The following DCDC1 variants were observed in gnomAD, a reference collection of about 807,000 sequenced individuals.
DCDC1 encodes doublecortin domain containing 1, also known as doublecortin domain-containing protein 1.
Under a neutral mutation model 178.3 loss-of-function variants are expected in DCDC1, and 200 were observed. The ratio of observed to expected loss-of-function variants is 1.12; its 90% CI spans 1.00 to 1.26. The LOEUF (loss-of-function observed/expected upper bound fraction) is 1.26. Among genes scored for constraint, DCDC1 ranks in the 50% most tolerant of loss-of-function variants. The pLI is 0.00. For synonymous variants in DCDC1, 690 were observed against 604.8 expected (o/e 1.14, Z -2.07); for missense variants, 1,983 against 1,749.2 (o/e 1.13, Z -2.38).
intron 8 of DCDC1, among the ~76,000 whole-genome samples, chr11:31,259,638 C>T (rs754778644): frequency 2.1e-4 from 32 of 152,176 alleles, no homozygotes; most frequent in Non-Finnish European, 2.1e-4. Flanking sequence ...ACTTAACCAA[C>T]ACTTTGTGCA....
chr11:31,328,050 A>C (rs1436397175), intron 3 of DCDC1, 67 bp downstream of exon 3: 1 of 1,450,234 alleles, frequency 6.9e-7, no homozygotes, highest in African/African-American at 1.4e-5. Context: ...GAAAATTTAA[A>C]CTACTTTCTA....
chr11:31,311,589 T>C (rs1282110289), intron 3 of DCDC1, among the ~76,000 whole-genome samples: 4 of 152,206 alleles, frequency 2.6e-5, no homozygotes, highest in East Asian at 1.9e-4. Flanking sequence ...AGTGCCATGA[T>C]TGCAGGCCCA....
chr11:30,986,809 G>A lies in DCDC1; in HGVS notation c.2592-34241C>T, dbSNP rs143391843. On this transcript the variant is annotated intron_variant, in intron 20 of 38. Coordinates refer to ENST00000684477, the MANE Select transcript of DCDC1 (RefSeq NM_001387274.1). Reference sequence around the variant, plus strand: ...GATAAAAAGCTTACAATTTAAGTACGTAGAGTAACAAATGTAGGAAATTCC... The same window carrying A: ...GATAAAAAGCTTACAATTTAAGTACATAGAGTAACAAATGTAGGAAATTCC... Among the ~76,000 whole-genome samples the A allele has an allele frequency of 2.4e-4, 36 of 152,212 alleles. No individual in the cohort carries two copies. The South Asian group carries it at 4.1e-3, about 18-fold the overall frequency.
chr11:31,307,775 G>T lies in DCDC1; in HGVS notation c.298C>A (p.His100Asn). The change falls in exon 4 of 39, where the codon CAT becomes AAT. Residue 100 changes from histidine (H) to asparagine (N), a missense_variant. Transcript: ENST00000684477. Reference protein sequence around the residue: ...EGSGLQDCSTHQTASDHSHDE... With the variant: ...EGSGLQDCSTNQTASDHSHDE... ...TGGCTGTGATCTGATGCTGTTTGAT[G>T]TGTGGAGCAATCTTGAAGTCCTGAC... 2 of 1,614,106 alleles carry T rather than the reference G, an allele frequency of 1.2e-6. No individual in the cohort carries two copies. Among genetic ancestry groups the T allele is most frequent in the Middle Eastern group, 3.3e-4 (2 of 6,062 alleles).
At chr11:31,162,038 A>G (rs1966355363) in intron 9 of DCDC1, among the ~76,000 whole-genome samples, 1 of 152,208 alleles carries the variant, frequency 6.6e-6, no homozygotes, top group Non-Finnish European at 1.5e-5. Flanking sequence ...CATTTTAACA[A>G]AAACTTATTT....
intron 10 of DCDC1, among the ~76,000 whole-genome samples, chr11:31,134,477 A>C (rs1565329116): frequency 1.3e-5 from 2 of 152,198 alleles, no homozygotes; most frequent in African/African-American, 2.4e-5. Flanking sequence ...ACAGTGGTCC[A>C]GGATGTTTTC....
intron 20 of DCDC1, among the ~76,000 whole-genome samples, chr11:31,026,835 A>G (rs1410307272): frequency 1.3e-5 from 2 of 151,772 alleles, no homozygotes; most frequent in Non-Finnish European, 1.5e-5. Context: ...TACTTAAGGA[A>G]AAGTTATATT....
At chr11:31,350,074 T>C (rs1296646611) in intron 1 of DCDC1, among the ~76,000 whole-genome samples, 1 of 152,164 alleles carries the variant, frequency 6.6e-6, no homozygotes, top group East Asian at 1.9e-4. Context: ...GATCAAAATA[T>C]ATGCACATTT....
At chr11:31,084,992 C>T (rs1041245701) in intron 17 of DCDC1, among the ~76,000 whole-genome samples, 1 of 151,256 alleles carries the variant, frequency 6.6e-6, no homozygotes, top group Non-Finnish European at 1.5e-5. Context: ...AGTGAGAGTC[C>T]TGGGCATGAA....
rs1206663647 is a variant in DCDC1, at chr11:31,285,962, CCT to C, written c.960+4683_960+4684del. Among the ~76,000 whole-genome samples the C allele has an allele frequency of 6.6e-5, 10 of 152,108 alleles. 1 individual carries two copies. The South Asian group carries it at 1.4e-3, about 22-fold the overall frequency. ...CAACTAGCTATCTAACTTCCCCCAA[CCT>C]CTTTTATTCTGTCTCACACGTTATT... On this transcript the variant is annotated intron_variant, in intron 7 of 38. Coordinates refer to ENST00000684477, the MANE Select transcript of DCDC1 (RefSeq NM_001387274.1).
At chr11:31,292,019 AC>A (rs1273524206) in intron 6 of DCDC1, among the ~76,000 whole-genome samples, 2 of 151,974 alleles carry the variant, frequency 1.3e-5, no homozygotes, top group Non-Finnish European at 2.9e-5. Context: ...CTCTATTCTT[AC>A]CCCCCTTTCA....
chr11:30,906,789 A>T, intron 29 of DCDC1, 64 bp from the exon 30 acceptor site: 1 of 1,390,318 alleles, frequency 7.2e-7, no homozygotes, highest in South Asian at 1.7e-5. Flanking sequence ...ATTGCTGTAG[A>T]ACATTTTACA....
intron 9 of DCDC1, among the ~76,000 whole-genome samples, chr11:31,235,613 A>G (rs938326378): frequency 6.6e-6 from 1 of 152,038 alleles, no homozygotes; most frequent in Non-Finnish European, 1.5e-5. Flanking sequence ...TTTTTAATTA[A>G]TCAAGAAAAG....
chr11:30,980,248 G>A (rs1310866242), intron 20 of DCDC1, among the ~76,000 whole-genome samples: 1 of 152,114 alleles, frequency 6.6e-6, no homozygotes, highest in Admixed American at 6.6e-5. Context: ...GATCTATGTA[G>A]CCATGGCAAC....
intron 21 of DCDC1, among the ~76,000 whole-genome samples, chr11:30,933,214 C>CT (rs1008203521): frequency 2.6e-5 from 4 of 151,468 alleles, no homozygotes; most frequent in Non-Finnish European, 5.9e-5. Flanking sequence ...ATATGCTCAC[C>CT]TTTTTTTTCT....
chr11:31,062,076 G>C (rs1184062963), intron 20 of DCDC1, among the ~76,000 whole-genome samples: 1 of 152,056 alleles, frequency 6.6e-6, no homozygotes, highest in East Asian at 1.9e-4. Context: ...GGCAAAGCAG[G>C]TGAGTTATCA....
Position 31,307,597 on chromosome 11 carries a change from T to C in DCDC1, c.434+42A>G, listed in dbSNP as rs765275591. 7 of 1,602,768 alleles carry C rather than the reference T, an allele frequency of 4.4e-6. No homozygotes were observed. The South Asian group carries it at 7.8e-5, about 18-fold the overall frequency. On this transcript the variant is annotated intron_variant, in intron 4 of 38. Coordinates refer to ENST00000684477, the MANE Select transcript of DCDC1 (RefSeq NM_001387274.1). ...ATAAACTCTGCTCAAAGGAAAGAAC[T>C]TCAACAATAGGTTAAAAAGAACAGA...
At chr11:31,225,833 T>C (rs1374873634) in intron 9 of DCDC1, among the ~76,000 whole-genome samples, 2 of 151,782 alleles carry the variant, frequency 1.3e-5, no homozygotes, top group Non-Finnish European at 2.9e-5. Context: ...TTACCCAATC[T>C]TTCGTGTCTG....
intron 9 of DCDC1, among the ~76,000 whole-genome samples, chr11:31,204,210 A>T (rs1197577571): frequency 6.6e-6 from 1 of 152,206 alleles, no homozygotes; most frequent in Non-Finnish European, 1.5e-5. Flanking sequence ...AATTTGGTGG[A>T]TGAATAAAGT....
Sources: gnomAD v4.1 joint callset for allele counts (sites outside exome capture counted in the v4.1 genomes callset) on GRCh38, gnomAD v4.1.1 for gene constraint, MANE v1.5 for transcripts, NCBI Gene and HGNC (gene_info 2026-07-23, HGNC 2026-07-21) for gene names.